Variants in DNAH1 observed in about 807,000 individuals in gnomAD.
DNAH1 encodes axonemal beta dynein heavy chain 1.
DNAH1 carries 327 observed loss-of-function variants against 484.3 expected under a neutral mutation model. The observed-to-expected ratio is 0.68, with a 90% confidence interval of 0.62 to 0.74. DNAH1 has a LOEUF of 0.74. Ranked by LOEUF, DNAH1 falls within the 30% of genes least tolerant of loss-of-function variation. The probability of loss-of-function intolerance (pLI) is 0.00; values close to 1 mark genes in which losing one functional copy is unlikely to be tolerated. For missense variants in DNAH1, 5,052 were observed against 5,546.8 expected, an observed-to-expected ratio of 0.91 and a Z score of 2.83; for synonymous variants, 2,192 against 2,191.9, an observed-to-expected ratio of 1.00 and a Z score of 0.00.
chr3:52,396,029 C>T (rs1489620390), intron 70 of DNAH1, among the ~76,000 whole-genome samples: 1 of 151,692 alleles, frequency 6.6e-6, no homozygotes, highest in African/African-American at 2.4e-5. Flanking sequence ...ACCTCCACCT[C>T]CTGAGTTCAA....
At position 52,326,437 on chromosome 3, in the gene DNAH1, A is replaced by G. The variant is rs577717008; in HGVS notation, c.581+123A>G. The G allele has an allele frequency of 8.0e-6, 10 of 1,247,326 alleles. No individual in the cohort carries two copies. The South Asian group carries it at 1.4e-4, about 17-fold the overall frequency. 77.3% of individuals were successfully genotyped at this position (1,247,326 alleles called of 1,614,324 possible). A position where few individuals can be genotyped will look rare whatever the true frequency, so the allele number is the denominator to read the frequency against. On this transcript the variant is annotated intron_variant, in intron 4 of 77. Coordinates refer to ENST00000420323, the MANE Select transcript of DNAH1 (RefSeq NM_015512.5). The stretch of plus-strand genomic sequence containing the variant: ...GCAGAGCCTGTGCACAAGTGTTTAG[A>G]TCGAATCTTCTAGCCCTTTGGTGTC...
In DNAH1 at chr3:52,398,913, G is replaced by A. The variant is rs542736774; in HGVS notation, c.12153G>A (p.Gly4051=). Residue 4051 remains glycine, a synonymous_variant, in exon 76 of 78, where the codon GGG becomes GGA. Coordinates refer to ENST00000420323, the MANE Select transcript of DNAH1 (RefSeq NM_015512.5). Reference sequence around the variant, plus strand: ...AAGACCTACTCAAGGCACTCAAGGGGCTGGTAGTGATGTCCTCTCAGCTGG... The same window carrying A: ...AAGACCTACTCAAGGCACTCAAGGGACTGGTAGTGATGTCCTCTCAGCTGG... ...TLQDLLKALK[G]LVVMSSQLEL... 10 of 1,610,150 alleles carry A rather than the reference G, an allele frequency of 6.2e-6. No individual in the cohort carries two copies. In the Admixed American group the frequency reaches 1.5e-4, roughly 24 times the overall value.
chr3:52,388,638 A>G (rs368849431), intron 58 of DNAH1, 29 bp downstream of exon 58: 65 of 1,611,652 alleles, frequency 4.0e-5, no homozygotes, highest in Non-Finnish European at 5.3e-5. Flanking sequence ...CAAGGCCTGC[A>G]AGCGGGCCCG....
Position 52,397,781 on chromosome 3 carries a change from C to T in DNAH1, c.11862C>T (p.Asn3954=). ...PEIFGLHDNA[N]ITFAQNETFA... ...TCTTTGGCCTGCATGACAATGCCAA[C>T]ATCACCTTTGCCCAGAACGAGACGT... is the stretch of plus-strand genomic sequence containing the variant. The change falls in exon 74 of 78, where the codon AAC becomes AAT. Residue 3954 remains asparagine, a synonymous_variant. Transcript: ENST00000420323. The T allele has an allele frequency of 6.2e-7, 1 of 1,613,878 alleles. No homozygotes were observed. Among genetic ancestry groups the T allele is most frequent in the Middle Eastern group, 1.6e-4 (1 of 6,062 alleles).
At position 52,359,920 on chromosome 3, in the gene DNAH1, G is replaced by C. The variant is rs775994692; in HGVS notation, c.4412G>C (p.Ser1471Thr). 1.2e-6 allele frequency: 2 copies of C among 1,613,764 alleles called. No homozygotes were observed. The highest frequency in any genetic ancestry group is 1.7e-6 in the Non-Finnish European group (2 of 1,179,846). ...QLFPQLCQQL[S>T]DLVALVRGKL... ...CAGTGCACCCCATTTCTGCAGCTCA[G>C]TGATCTGGTGGCCCTTGTGCGGGGG... is the stretch of plus-strand genomic sequence containing the variant. The change falls in exon 27 of 78, where the codon AGT becomes ACT. Residue 1471 changes from serine (S) to threonine (T), a missense_variant. Physicochemically the swap from Ser to Thr is moderately conservative, Grantham distance 58. Around this residue, in one of 4 missense-constraint regions of DNAH1, gnomAD observed 2,929 missense variants for 3,409.4 expected, o/e 0.86. Coordinates refer to ENST00000420323, the MANE Select transcript of DNAH1 (RefSeq NM_015512.5).
rs779045235 is a variant in DNAH1, at chr3:52,353,748, G to A, written c.3480+115G>A. 18 of 1,401,902 alleles carry A rather than the reference G, an allele frequency of 1.3e-5. No homozygotes were observed. In the African/African-American group the frequency reaches 2.4e-4, roughly 19 times the overall value. The allele number at this position is 1,401,902 out of a possible 1,614,324, so 86.8% of individuals were successfully genotyped here. On this transcript the variant is annotated intron_variant, in intron 20 of 77. Transcript: ENST00000420323. The surrounding 1 kb of genome is among the most constrained non-coding windows in gnomAD (Gnocchi z 5.0). ...GATGACAGTAATAAGCCCCATCCCT[G>A]GGGTCATGAGGCCCAGGGGTTGAGA... is the stretch of plus-strand genomic sequence containing the variant.
At chr3:52,352,815 AGCAG>A in intron 18 of DNAH1, 108 bp downstream of exon 18, 2 of 1,443,516 alleles carry the variant, frequency 1.4e-6, no homozygotes, top group Non-Finnish European at 1.8e-6. Flanking sequence ...GGCAGGACCC[AGCAG>A]GCTGCAGAGT....
intron 44 of DNAH1, chr3:52,374,072 G>A (rs1703476965): frequency 9.8e-7 from 1 of 1,022,432 alleles, no homozygotes; most frequent in Admixed American, 1.7e-5. Flanking sequence ...AAAGCTCTTT[G>A]ACAGTGAAGA....
Position 52,361,046 on chromosome 3 carries a change from A to G in DNAH1, c.4686-118A>G, listed in dbSNP as rs745415045. The G allele has an allele frequency of 1.3e-5, 13 of 1,001,962 alleles. No homozygotes were observed. The highest frequency in any genetic ancestry group is 1.6e-5 in the Non-Finnish European group (12 of 745,288). The allele number at this position is 1,001,962 out of a possible 1,614,324, so 62.1% of individuals were successfully genotyped here. A position where few individuals can be genotyped will look rare whatever the true frequency, so the allele number is the denominator to read the frequency against. On this transcript the variant is annotated intron_variant, in intron 28 of 77. Transcript: ENST00000420323. This position sits in a 1 kb window ranked among gnomAD's most constrained non-coding sequence, Gnocchi z 5.6. ...CCTGACCCCGGAGCCAGGGCTGGGC[A>G]CACCCCAGCCCACCAAAAGGGGACG...
At position 52,359,299 on chromosome 3, in the gene DNAH1, G is replaced by T; in HGVS notation, c.4320G>T (p.Gly1440=). Residue 1440 remains glycine, a synonymous_variant, in exon 26 of 78, where the codon GGG becomes GGT. Coordinates refer to ENST00000420323, the MANE Select transcript of DNAH1 (RefSeq NM_015512.5). ...LNWPGQVTIA[G]CQTYWTMEVA... ...GGCCTGGCCAGGTGACCATCGCTGG[G>T]TGCCAGACCTACTGGACCATGGAGG... 1 of 1,569,542 alleles carries T rather than the reference G, an allele frequency of 6.4e-7. No individual in the cohort carries two copies. The highest frequency in any genetic ancestry group is 8.6e-7 in the Non-Finnish European group (1 of 1,156,546).
chr3:52,379,898 A>G lies in DNAH1; in HGVS notation c.7378-7A>G, dbSNP rs1436254088. The G allele has an allele frequency of 3.9e-6, 6 of 1,553,884 alleles. No homozygotes were observed. The highest frequency in any genetic ancestry group is 5.2e-6 in the Non-Finnish European group (6 of 1,148,344). ...AAGGACAGGCACCGATGCTGGGGCT[A>G]CTGCAGGACCAAGTGCAGCTGCTGC... On this transcript the variant is annotated splice_region_variant and splice_polypyrimidine_tract_variant and intron_variant, in intron 47 of 77. Transcript: ENST00000420323. This position sits in a 1 kb window ranked among gnomAD's most constrained non-coding sequence, Gnocchi z 4.4.
Position 52,370,527 on chromosome 3 carries a change from C to A in DNAH1, c.6309C>A (p.Ile2103=). Residue 2103 remains isoleucine (I), a synonymous_variant, in exon 40 of 78, where the codon ATC becomes ATA. Coordinates refer to ENST00000420323, the MANE Select transcript of DNAH1 (RefSeq NM_015512.5). Reference sequence around the variant, plus strand: ...AGCTGAGTCGCATCGTAGAGTTGATCGAGCCCTGGTTCATCTTCTCCCTGA... The same window carrying A: ...AGCTGAGTCGCATCGTAGAGTTGATAGAGCCCTGGTTCATCTTCTCCCTGA... ...SEKLSRIVEL[I]EPWFIFSLIW... The A allele has an allele frequency of 1.2e-6, 2 of 1,613,982 alleles. No homozygotes were observed. The highest frequency in any genetic ancestry group is 1.7e-6 in the Non-Finnish European group (2 of 1,179,890).
At chr3:52,369,006 C>A in intron 37 of DNAH1, 88 bp downstream of exon 37, 1 of 1,467,622 alleles carries the variant, frequency 6.8e-7, no homozygotes, top group Non-Finnish European at 9.4e-7. Context: ...TGCCCCCTCA[C>A]CCCTTTCTCT....
chr3:52,349,118 G>C, intron 13 of DNAH1, 37 bp downstream of exon 13: 1 of 1,612,670 alleles, frequency 6.2e-7, no homozygotes, highest in South Asian at 1.1e-5. Flanking sequence ...GAGGGTGTCT[G>C]TGTGTTTGTG....
At position 52,394,405 on chromosome 3, in the gene DNAH1, G is replaced by A. The variant is rs74357841; in HGVS notation, c.10627-60G>A. 3.6e-3 allele frequency: 5,637 copies of A among 1,555,800 alleles called. 170 individuals are homozygous for A. In the African/African-American group the frequency reaches 0.066, roughly 18 times the overall value. On this transcript the variant is annotated intron_variant, in intron 66 of 77. Coordinates refer to ENST00000420323, the MANE Select transcript of DNAH1 (RefSeq NM_015512.5). ...TAGAGAGGCACTACTGGGTGGGGGTGCCCAGAGCAGGAGGAGCTGGCCAGG... is the reference window on the plus strand; with the variant it reads ...TAGAGAGGCACTACTGGGTGGGGGTACCCAGAGCAGGAGGAGCTGGCCAGG...
At chr3:52,374,967 G>A in intron 44 of DNAH1, 1 of 223,050 alleles carries the variant, frequency 4.5e-6, no homozygotes, top group South Asian at 4.9e-5. Context: ...TTCACCATGG[G>A]GGCGGGGGGT....
Position 52,389,601 on chromosome 3 carries a change from G to T in DNAH1, c.9621+15G>T. ...GATCGTGGCAGGTGCCCACCCCAGG[G>T]GCAGGAGTGCCCAGGCAGGGCCTGT... On this transcript the variant is annotated intron_variant, in intron 60 of 77. Coordinates refer to ENST00000420323, the MANE Select transcript of DNAH1 (RefSeq NM_015512.5). The T allele has an allele frequency of 6.9e-7, 1 of 1,441,802 alleles. No individual in the cohort carries two copies. Among genetic ancestry groups the T allele is most frequent in the Non-Finnish European group, 9.1e-7 (1 of 1,094,418 alleles). 89.3% of individuals were successfully genotyped at this position (1,441,802 alleles called of 1,614,324 possible). A position where few individuals can be genotyped will look rare whatever the true frequency, so the allele number is the denominator to read the frequency against.
intron 45 of DNAH1, 87 bp downstream of exon 45, chr3:52,375,500 AG>A: frequency 1.4e-6 from 2 of 1,479,304 alleles, no homozygotes; most frequent in Non-Finnish European, 1.8e-6. Flanking sequence ...GCCACCAGAA[AG>A]GGTGGAGTGG....
At chr3:52,339,322 G>T in intron 8 of DNAH1, among the ~76,000 whole-genome samples, 1 of 149,476 alleles carries the variant, frequency 6.7e-6, no homozygotes, top group Non-Finnish European at 1.5e-5. Flanking sequence ...ACTTCATTAT[G>T]CTTTGATTTG....
Sources: gnomAD v4.1 joint callset for allele counts (sites outside exome capture counted in the v4.1 genomes callset) on GRCh38, gnomAD v4.1.1 for gene constraint, gnomAD v4.1.1 regional missense constraint, Gnocchi (gnomAD v3.1) non-coding constraint, MANE v1.5 for transcripts, NCBI Gene and HGNC (gene_info 2026-07-23, HGNC 2026-07-21) for gene names.